The following MOB3A variants were observed in gnomAD, a reference collection of about 807,000 sequenced individuals.
The protein encoded by MOB3A is MOB LAK.
In MOB3A, 17 loss-of-function variants were observed where a neutral mutation model predicts 17.8. That is an observed-to-expected ratio of 0.95 (90% confidence interval 0.65 to 1.43). The LOEUF is 1.43. MOB3A is among the 40% of genes most tolerant of loss of function. The pLI is 0.00. For synonymous variants in MOB3A, 124 were observed against 133.2 expected (o/e 0.93, Z 0.48); for missense variants, 333 against 310.8 (o/e 1.07, Z -0.54).
intron 1 of MOB3A, among the ~76,000 whole-genome samples, chr19:2,092,012 GAGAA>G (rs759312758): frequency 1.0e-3 from 142 of 140,154 alleles, no homozygotes; most frequent in Middle Eastern, 3.6e-3. Context: ...AAAAAAAAAA[GAGAA>G]AGAAAGAATA....
intron 4 of MOB3A, among the ~76,000 whole-genome samples, chr19:2,074,539 T>C (rs934464567): frequency 1.3e-5 from 2 of 152,016 alleles, no homozygotes; most frequent in Middle Eastern, 3.2e-3. Context: ...GAGGAAGTTA[T>C]GTGAAGATGT....
intron 1 of MOB3A, among the ~76,000 whole-genome samples, chr19:2,089,349 C>T (rs754305427): frequency 4.6e-5 from 7 of 152,184 alleles, no homozygotes; most frequent in Non-Finnish European, 1.0e-4. Context: ...GAATCTGCTG[C>T]GTCTGCCACT....
intron 2 of MOB3A, 45 bp downstream of exon 2, chr19:2,085,130 C>G (rs1403557484): frequency 6.6e-6 from 1 of 152,090 alleles, no homozygotes; most frequent in Non-Finnish European, 1.5e-5. Context: ...GCCTCGGGAC[C>G]CTGACTCCCG....
chr19:2,090,684 G>C (rs2017603785), intron 1 of MOB3A, among the ~76,000 whole-genome samples: 1 of 151,324 alleles, frequency 6.6e-6, no homozygotes, highest in Admixed American at 6.6e-5. Flanking sequence ...TTTTTTTTAA[G>C]ACGGAGTCTC....
chr19:2,073,337 T>G lies in MOB3A; in HGVS notation c.*58A>C, dbSNP rs1241004664. On this transcript the variant is annotated 3_prime_UTR_variant, in exon 5 of 5. Coordinates refer to ENST00000357066, the MANE Select transcript of MOB3A (RefSeq NM_130807.3). ...GCGGGATGATGGTTCCAGAGCGTCC[T>G]CCTCCAAGTCTCCGAGGCCCCAGCG... is the stretch of plus-strand genomic sequence containing the variant. 1.9e-6 allele frequency: 3 copies of G among 1,601,974 alleles called. No homozygotes were observed. The highest frequency in any genetic ancestry group is 2.6e-6 in the Non-Finnish European group (3 of 1,171,768).
chr19:2,090,864 G>A (rs1043630087), intron 1 of MOB3A, among the ~76,000 whole-genome samples: 19 of 152,172 alleles, frequency 1.2e-4, no homozygotes, highest in Admixed American at 9.2e-4. Context: ...GGGTTTCACC[G>A]TGTTAGTCAG....
chr19:2,077,865 C>A (rs887568083), intron 3 of MOB3A, among the ~76,000 whole-genome samples: 1 of 151,832 alleles, frequency 6.6e-6, no homozygotes, highest in Non-Finnish European at 1.5e-5. Context: ...TTTACTGCAG[C>A]CTCAACCTCC....
chr19:2,080,375 C>T (rs1409320581), intron 2 of MOB3A, among the ~76,000 whole-genome samples: 1 of 151,910 alleles, frequency 6.6e-6, no homozygotes, highest in Non-Finnish European at 1.5e-5. Context: ...TACATTCCAA[C>T]CCCCACCTCT....
chr19:2,076,713 G>T, intron 4 of MOB3A, 98 bp downstream of exon 4: 1 of 1,292,856 alleles, frequency 7.7e-7, no homozygotes, highest in Non-Finnish European at 1.1e-6. Flanking sequence ...CTGCTGGGCC[G>T]ACCGCAAGCA....
rs1599414345 is a variant in MOB3A, at chr19:2,093,942, G to A, written c.-274+2284C>T. Among the ~76,000 whole-genome samples the A allele has an allele frequency of 6.6e-6, 1 of 151,904 alleles. No individual in the cohort carries two copies. Among genetic ancestry groups the A allele is most frequent in the African/African-American group, 2.4e-5 (1 of 41,286 alleles). On this transcript the variant is annotated intron_variant, in intron 1 of 4. Transcript: ENST00000357066. This position sits in a 1 kb window ranked among gnomAD's most constrained non-coding sequence, Gnocchi z 4.6. ...TAATAAACAGGTCCCTGACAACTGC[G>A]GTTAAGAACCCGGCTTCTGGAAGTT...
chr19:2,094,116 G>A (rs1315300343), intron 1 of MOB3A, among the ~76,000 whole-genome samples: 2 of 146,320 alleles, frequency 1.4e-5, no homozygotes, highest in African/African-American at 2.6e-5. Context: ...GTGCGATCTC[G>A]GCTCACTGCA....
intron 1 of MOB3A, among the ~76,000 whole-genome samples, chr19:2,089,564 C>T (rs915961732): frequency 6.6e-6 from 1 of 151,830 alleles, no homozygotes; most frequent in Non-Finnish European, 1.5e-5. Context: ...TCAATTGACA[C>T]CTCTTGGGTT....
At chr19:2,090,954 G>A (rs554383969) in intron 1 of MOB3A, among the ~76,000 whole-genome samples, 13 of 152,308 alleles carry the variant, frequency 8.5e-5, no homozygotes, top group Non-Finnish European at 1.5e-4. Flanking sequence ...GAGCCACCGC[G>A]CCCGGCCAAA....
intron 1 of MOB3A, among the ~76,000 whole-genome samples, chr19:2,086,421 C>T (rs575512767): frequency 4.7e-5 from 7 of 148,128 alleles, no homozygotes; most frequent in African/African-American, 1.7e-4. Context: ...AGTGCAGTGG[C>T]GTGATCTCGG....
At position 2,086,351 on chromosome 19, in the gene MOB3A, AT is replaced by A. The variant is rs112538176; in HGVS notation, c.-273-1024del. ...CATAACGCCCAGCCTCTGAGTGTTT[AT>A]TTTTACTTTTTTATTTTTATTTTTT... On this transcript the variant is annotated intron_variant, in intron 1 of 4. Coordinates refer to ENST00000357066, the MANE Select transcript of MOB3A (RefSeq NM_130807.3). 7.3e-4 allele frequency among the ~76,000 whole-genome samples: 98 copies of A among 133,610 alleles called. 1 individual carries two copies. The highest frequency in any genetic ancestry group is 2.5e-3 in the African/African-American group (90 of 35,488). 87.7% of individuals were successfully genotyped at this position (133,610 alleles called of 152,430 possible).
At position 2,078,693 on chromosome 19, in the gene MOB3A, G is replaced by A; in HGVS notation, c.-119-14C>T. The stretch of plus-strand genomic sequence containing the variant: ...TCTCCCGCGGACCTGAAATACACAG[G>A]GGAATCATGACCTGCTGGAGGCGAC... On this transcript the variant is annotated splice_polypyrimidine_tract_variant and intron_variant, in intron 2 of 4. Transcript: ENST00000357066. 1.2e-6 allele frequency: 1 copy of A among 861,842 alleles called. No homozygotes were observed. Among genetic ancestry groups the A allele is most frequent in the Non-Finnish European group, 1.7e-6 (1 of 574,148 alleles). The allele number at this position is 861,842 out of a possible 1,614,324, so 53.4% of individuals were successfully genotyped here. A position where few individuals can be genotyped will look rare whatever the true frequency, so the allele number is the denominator to read the frequency against.
At chr19:2,087,944 T>C (rs8113808) in intron 1 of MOB3A, among the ~76,000 whole-genome samples, 149,581 of 152,344 alleles carry the variant, frequency 0.98, 73,451 homozygotes, top group East Asian at 1. Context: ...AGTCTGAACG[T>C]GGGGGCAGGA....
intron 3 of MOB3A, 100 bp from the exon 4 acceptor site, chr19:2,077,113 C>A: frequency 8.9e-7 from 1 of 1,120,490 alleles, no homozygotes; most frequent in South Asian, 1.4e-5. Flanking sequence ...ACAGAAATTG[C>A]TGGCAGATCG....
rs45509008 is a variant in MOB3A, at chr19:2,078,473, C to T, written c.88G>A (p.Glu30Lys). Reference protein sequence around the residue: ...RKFEPGTQRFELHKKAQASLN... With the variant: ...RKFEPGTQRFKLHKKAQASLN... ...GACGCCTGCGCCTTCTTGTGCAGCTCGAAGCGCTGGGTGCCTGGCTCAAAC... is the reference window on the plus strand; with the variant it reads ...GACGCCTGCGCCTTCTTGTGCAGCTTGAAGCGCTGGGTGCCTGGCTCAAAC... Residue 30 changes from glutamate to lysine, a missense_variant, in exon 3 of 5, where the codon GAG becomes AAG. Physicochemically the swap from Glu to Lys is moderately conservative, Grantham distance 56. Coordinates refer to ENST00000357066, the MANE Select transcript of MOB3A (RefSeq NM_130807.3). The T allele has an allele frequency of 2.4e-5, 39 of 1,611,464 alleles. No individual in the cohort carries two copies. In the South Asian group the frequency reaches 2.9e-4, roughly 12 times the overall value.
Sources: allele counts gnomAD v4.1 joint callset (sites outside exome capture counted in the v4.1 genomes callset), GRCh38; gene constraint gnomAD v4.1.1; non-coding constraint Gnocchi (gnomAD v3.1); transcripts MANE v1.5; gene names NCBI Gene and HGNC (gene_info 2026-07-23, HGNC 2026-07-21).